Variants in AFF3 observed in about 807,000 individuals in gnomAD.
The protein encoded by AFF3 is AF4/FMR2 family member 3.
Under a neutral mutation model 129.7 loss-of-function variants are expected in AFF3, and 32 were observed. That is an observed-to-expected ratio of 0.25 (90% CI 0.19 to 0.33). AFF3 has a LOEUF of 0.33. Ranked by LOEUF, AFF3 falls within the 10% of genes least tolerant of loss-of-function variation. The pLI is 1.00. For missense variants in AFF3, 1,373 were observed against 1,592.0 expected (o/e 0.86, Z 2.34); for synonymous variants, 644 against 635.4 (o/e 1.01, Z -0.20).
chr2:99,746,940 A>G (rs919439482), intron 9 of AFF3, among the ~76,000 whole-genome samples: 4 of 151,732 alleles, frequency 2.6e-5, no homozygotes, highest in African/African-American at 4.8e-5. Context: ...AGTTTCCAGC[A>G]TTAAGCTTAT....
chr2:99,549,971 A>C lies in AFF3; in HGVS notation c.*1503T>G, dbSNP rs1005811104. On this transcript the variant is annotated 3_prime_UTR_variant, in exon 25 of 25. Coordinates refer to ENST00000672756, the MANE Select transcript of AFF3 (RefSeq NM_001386135.1). ...TGCCTTTCTCAGACCGTCCTGGTGCAACTTTATCAAGTAAGAGGCCACAAG... is the reference window on the plus strand; with the variant it reads ...TGCCTTTCTCAGACCGTCCTGGTGCCACTTTATCAAGTAAGAGGCCACAAG... The C allele has an allele frequency of 3.9e-5, 9 of 228,558 alleles. No homozygotes were observed. Among genetic ancestry groups the C allele is most frequent in the Non-Finnish European group, 7.8e-5 (9 of 115,246 alleles). The allele number at this position is 228,558 out of a possible 1,614,324, so 14.2% of individuals were successfully genotyped here. A position where few individuals can be genotyped will look rare whatever the true frequency, so the allele number is the denominator to read the frequency against.
intron 13 of AFF3, among the ~76,000 whole-genome samples, chr2:99,602,100 G>GT (rs1184300464): frequency 4.3e-4 from 65 of 152,338 alleles, no homozygotes; most frequent in African/African-American, 1.5e-3. Context: ...GGGCTGTCAG[G>GT]AAGGGCACGG....
At chr2:100,019,193 G>A (rs1258632989) in intron 4 of AFF3, among the ~76,000 whole-genome samples, 3 of 152,048 alleles carry the variant, frequency 2.0e-5, no homozygotes, top group Non-Finnish European at 4.4e-5. Flanking sequence ...AACGTTAGCC[G>A]TAAAAAAAGG....
At chr2:100,140,877 AC>A (rs1207163633) in intron 1 of AFF3, among the ~76,000 whole-genome samples, 17 of 151,798 alleles carry the variant, frequency 1.1e-4, no homozygotes, top group African/African-American at 3.9e-4. Flanking sequence ...CTTAAGTGTC[AC>A]CCCCCAAACC....
chr2:99,609,358 TG>T (rs1240127286), intron 13 of AFF3, among the ~76,000 whole-genome samples: 1 of 152,100 alleles, frequency 6.6e-6, no homozygotes, highest in Non-Finnish European at 1.5e-5. Context: ...GAGCCCAATT[TG>T]TAGTCTTTGA....
chr2:99,832,133 C>T (rs1348700806), intron 8 of AFF3, among the ~76,000 whole-genome samples: 1 of 152,246 alleles, frequency 6.6e-6, no homozygotes, highest in East Asian at 1.9e-4. Flanking sequence ...AAGATATTGA[C>T]TGCAGTATCA....
At chr2:99,895,710 G>A (rs972502647) in intron 7 of AFF3, among the ~76,000 whole-genome samples, 3 of 151,990 alleles carry the variant, frequency 2.0e-5, no homozygotes. Flanking sequence ...GTGATTTAAA[G>A]TACTGAACTG....
At chr2:100,137,657 G>T (rs920142226) in intron 1 of AFF3, among the ~76,000 whole-genome samples, 6 of 152,284 alleles carry the variant, frequency 3.9e-5, no homozygotes, top group South Asian at 2.1e-4. Context: ...AAGGGAGTTG[G>T]CATGGAAGAT....
intron 13 of AFF3, among the ~76,000 whole-genome samples, chr2:99,636,939 C>T (rs557060195): frequency 1.3e-5 from 2 of 152,266 alleles, no homozygotes; most frequent in African/African-American, 4.8e-5. Flanking sequence ...AGCCTGTGAG[C>T]GGAGGTGAGG....
At chr2:99,906,021 A>T (rs1224847225) in intron 7 of AFF3, among the ~76,000 whole-genome samples, 1 of 152,212 alleles carries the variant, frequency 6.6e-6, no homozygotes, top group African/African-American at 2.4e-5. Flanking sequence ...GGAAACATAA[A>T]AGAAACTTTC....
At chr2:99,743,289 C>T (rs1016025197) in intron 10 of AFF3, among the ~76,000 whole-genome samples, 6 of 152,190 alleles carry the variant, frequency 3.9e-5, no homozygotes, top group East Asian at 3.8e-4. Context: ...CTTTTCTCTC[C>T]GGCCCATTTG....
chr2:100,079,244 C>A (rs1211278409), intron 4 of AFF3, among the ~76,000 whole-genome samples: 1 of 152,142 alleles, frequency 6.6e-6, no homozygotes, highest in Non-Finnish European at 1.5e-5. Flanking sequence ...CAGTGCCTGG[C>A]CTTTTGCTGA....
chr2:99,713,268 AT>A (rs3073380), intron 11 of AFF3, among the ~76,000 whole-genome samples: 44,158 of 126,102 alleles, frequency 0.35, 5,696 homozygotes, highest in East Asian at 0.44. Context: ...GCCAGAGTTA[AT>A]TTTTTTTTTT....
chr2:100,036,370 C>T (rs1684909208), intron 4 of AFF3, among the ~76,000 whole-genome samples: 1 of 151,950 alleles, frequency 6.6e-6, no homozygotes, highest in Non-Finnish European at 1.5e-5. Flanking sequence ...ATTACAAATC[C>T]ATGAAGAAAA....
chr2:99,826,919 C>T (rs1172998357), intron 8 of AFF3, among the ~76,000 whole-genome samples: 2 of 152,050 alleles, frequency 1.3e-5, no homozygotes, highest in East Asian at 3.9e-4. Flanking sequence ...GGTGGATGAA[C>T]AAGGAGATAG....
chr2:99,565,400 C>T (rs1438906071), intron 20 of AFF3, 87 bp downstream of exon 20: 5 of 1,543,912 alleles, frequency 3.2e-6, no homozygotes, highest in Non-Finnish European at 4.4e-6. Context: ...GGGGATGGTG[C>T]AGGCTGACAT....
At chr2:99,962,931 C>T (rs1677378800) in intron 7 of AFF3, among the ~76,000 whole-genome samples, 1 of 150,080 alleles carries the variant, frequency 6.7e-6, no homozygotes, top group Non-Finnish European at 1.5e-5. Flanking sequence ...GAAATAAACT[C>T]ACAGATTGAC....
At position 99,985,464 on chromosome 2, in the gene AFF3, G is replaced by A. The variant is rs779179706; in HGVS notation, c.873+21168C>T. 5.9e-5 allele frequency among the ~76,000 whole-genome samples: 9 copies of A among 152,240 alleles called. No homozygotes were observed. The South Asian group carries it at 1.5e-3, about 25-fold the overall frequency. ...CATGGCACATGCAGTAAAAGGAATC[G>A]CATTTGACCTTTTTAAAGGTAAATT... On this transcript the variant is annotated intron_variant, in intron 7 of 24. Coordinates refer to ENST00000672756, the MANE Select transcript of AFF3 (RefSeq NM_001386135.1).
chr2:99,848,786 C>A (rs569448087), intron 7 of AFF3, among the ~76,000 whole-genome samples: 1 of 152,276 alleles, frequency 6.6e-6, no homozygotes, highest in Admixed American at 6.5e-5. Context: ...AAAAATCATT[C>A]AGTTATCTCT....
Sources: gnomAD v4.1 joint callset for allele counts (sites outside exome capture counted in the v4.1 genomes callset) on GRCh38, gnomAD v4.1.1 for gene constraint, MANE v1.5 for transcripts, NCBI Gene and HGNC (gene_info 2026-07-23, HGNC 2026-07-21) for gene names.